The following EYS variants were observed in gnomAD, a reference collection of about 807,000 sequenced individuals.
The protein encoded by EYS is protein eyes shut homolog.
A neutral mutation model predicts 282.1 loss-of-function variants in EYS; 250 were observed. That is an observed-to-expected ratio of 0.89 (90% confidence interval 0.80 to 0.98). EYS has a LOEUF of 0.98. Among genes scored for constraint, EYS ranks in the 50% least tolerant of loss-of-function variants. The pLI is 0.00. For missense variants in EYS, 4,016 were observed against 3,709.0 expected (o/e 1.08, Z -2.15); for synonymous variants, 1,355 against 1,282.9 (o/e 1.06, Z -1.20).
At chr6:64,047,731 C>T (rs902698334) in intron 33 of EYS, among the ~76,000 whole-genome samples, 4 of 152,050 alleles carry the variant, frequency 2.6e-5, no homozygotes, top group Admixed American at 2.6e-4. Flanking sequence ...CTATTATTCC[C>T]CTTTCAGGTG....
rs1562109807 is a variant in EYS, at chr6:65,344,073, A to G, written c.1564T>C (p.Ser522Pro). Reference sequence around the variant, plus strand: ...CCTTCATGTGGGAACCAACATGAAGAATTATTATCTTCAGGATCGTTCACA... The same window carrying G: ...CCTTCATGTGGGAACCAACATGAAGGATTATTATCTTCAGGATCGTTCACA... Reference protein sequence around the residue: ...TYVNDPEDNNSSCWFPHEGTK... With the variant: ...TYVNDPEDNNPSCWFPHEGTK... Residue 522 changes from serine (S) to proline (P), a missense_variant, in exon 10 of 43, where the codon TCT (serine) becomes CCT (proline). By Grantham distance (74) the Ser-to-Pro change is moderately conservative. Transcript: ENST00000503581. The G allele has an allele frequency of 1.9e-6, 3 of 1,610,910 alleles. No individual in the cohort carries two copies. The highest frequency in any genetic ancestry group is 1.1e-5 in the South Asian group (1 of 91,002).
At chr6:63,945,427 T>C (rs1445389670) in intron 35 of EYS, among the ~76,000 whole-genome samples, 1 of 152,128 alleles carries the variant, frequency 6.6e-6, no homozygotes, top group Admixed American at 6.5e-5. Context: ...AGATGAGAAT[T>C]GGGTGGTGAC....
chr6:65,273,396 T>C (rs1279232351), intron 12 of EYS, among the ~76,000 whole-genome samples: 1 of 152,116 alleles, frequency 6.6e-6, no homozygotes. Flanking sequence ...AACTTAAAAA[T>C]AAATATGCAT....
At chr6:64,172,746 G>A (rs1764519343) in intron 31 of EYS, among the ~76,000 whole-genome samples, 1 of 152,108 alleles carries the variant, frequency 6.6e-6, no homozygotes, top group African/African-American at 2.4e-5. Flanking sequence ...GGCTAATCTA[G>A]AATCATATCT....
chr6:64,348,612 A>G (rs1771504213), intron 29 of EYS, among the ~76,000 whole-genome samples: 1 of 151,510 alleles, frequency 6.6e-6, no homozygotes, highest in African/African-American at 2.4e-5. Context: ...CAAAACTGAC[A>G]AAAGTATTTT....
intron 33 of EYS, among the ~76,000 whole-genome samples, chr6:64,061,800 G>T (rs748671866): frequency 3.9e-5 from 6 of 151,928 alleles, no homozygotes; most frequent in Non-Finnish European, 8.8e-5. Context: ...GACCAGCCTG[G>T]CCAACATGGA....
intron 41 of EYS, among the ~76,000 whole-genome samples, chr6:63,748,733 G>A (rs1769270230): frequency 6.6e-6 from 1 of 152,004 alleles, no homozygotes; most frequent in South Asian, 2.1e-4. Context: ...ATGTATCCAG[G>A]AATTTATCTA....
chr6:65,110,178 A>T (rs1260897411), intron 12 of EYS, among the ~76,000 whole-genome samples: 5 of 152,094 alleles, frequency 3.3e-5, no homozygotes, highest in Non-Finnish European at 2.9e-5. Flanking sequence ...TTTTTCTACT[A>T]TCTTTTACTT....
intron 19 of EYS, among the ~76,000 whole-genome samples, chr6:64,861,240 G>A (rs773776721): frequency 6.6e-6 from 1 of 152,202 alleles, no homozygotes; most frequent in African/African-American, 2.4e-5. Context: ...AAGTCCAGAG[G>A]GGGCTGAGGC....
At chr6:64,675,584 C>T (rs1769629078) in intron 22 of EYS, among the ~76,000 whole-genome samples, 2 of 151,872 alleles carry the variant, frequency 1.3e-5, no homozygotes, top group South Asian at 4.1e-4. Flanking sequence ...TGCCCACCCC[C>T]ATACCTGGCT....
intron 22 of EYS, among the ~76,000 whole-genome samples, chr6:64,759,727 A>G (rs1773096317): frequency 6.6e-6 from 1 of 152,190 alleles, no homozygotes; most frequent in East Asian, 1.9e-4. Flanking sequence ...ACTCTTTCTG[A>G]ATTATTTTTA....
chr6:64,625,110 A>C (rs568907244), intron 23 of EYS, among the ~76,000 whole-genome samples: 1 of 152,316 alleles, frequency 6.6e-6, no homozygotes, highest in Non-Finnish European at 1.5e-5. Context: ...AAGGAAATTT[A>C]GGCATTGAAC....
At chr6:65,478,769 A>C (rs1001105991) in intron 5 of EYS, among the ~76,000 whole-genome samples, 3 of 152,156 alleles carry the variant, frequency 2.0e-5, no homozygotes, top group Admixed American at 1.3e-4. Context: ...CACTGAAAAC[A>C]CAGAAAAGTT....
intron 22 of EYS, among the ~76,000 whole-genome samples, chr6:64,736,465 G>A (rs1228624041): frequency 6.6e-6 from 1 of 152,014 alleles, no homozygotes; most frequent in Non-Finnish European, 1.5e-5. Flanking sequence ...TCTTTTAGTG[G>A]TATTGCACTA....
chr6:65,627,947 C>T (rs1447417084), intron 2 of EYS, among the ~76,000 whole-genome samples: 1 of 152,240 alleles, frequency 6.6e-6, no homozygotes, highest in African/African-American at 2.4e-5. Flanking sequence ...GCAGGACTGG[C>T]AGGCAGCTCC....
intron 22 of EYS, among the ~76,000 whole-genome samples, chr6:64,664,130 T>C (rs185631371): frequency 6.6e-6 from 1 of 152,252 alleles, no homozygotes; most frequent in East Asian, 1.9e-4. Flanking sequence ...GGAACAAACA[T>C]GGACCAGCAG....
At chr6:65,007,299 T>A (rs982790175) in intron 13 of EYS, among the ~76,000 whole-genome samples, 8 of 151,728 alleles carry the variant, frequency 5.3e-5, no homozygotes, top group Admixed American at 2.0e-4. Context: ...ATGGGAAACA[T>A]TTCCCCCAAG....
intron 2 of EYS, among the ~76,000 whole-genome samples, chr6:65,583,595 A>C (rs1384117507): frequency 6.6e-6 from 1 of 152,084 alleles, no homozygotes; most frequent in Non-Finnish European, 1.5e-5. Context: ...ATTTTCATTA[A>C]TATCTTCACT....
At chr6:64,632,462 G>A (rs1317980789) in intron 22 of EYS, among the ~76,000 whole-genome samples, 5 of 151,842 alleles carry the variant, frequency 3.3e-5, no homozygotes, top group African/African-American at 7.3e-5. Flanking sequence ...AAATTTTGAC[G>A]GTTTGGAATT....
Sources: gnomAD v4.1 joint callset for allele counts (sites outside exome capture counted in the v4.1 genomes callset) on GRCh38, gnomAD v4.1.1 for gene constraint, MANE v1.5 for transcripts, NCBI Gene and HGNC (gene_info 2026-07-23, HGNC 2026-07-21) for gene names.